Variants in NPR3 observed in about 807,000 individuals in gnomAD.
NPR3 encodes the protein natriuretic peptide receptor 3, also known as atrial natriuretic peptide receptor 3.
Under a neutral mutation model 54.5 loss-of-function variants are expected in NPR3, and 34 were observed. That is an observed-to-expected ratio of 0.62 (90% CI 0.47 to 0.83). NPR3 has a LOEUF of 0.83. Among genes scored for constraint, NPR3 ranks in the 40% least tolerant of loss-of-function variants. The probability of loss-of-function intolerance (pLI) is 0.00; values close to 1 mark genes in which losing one functional copy is unlikely to be tolerated. For missense variants in NPR3, 674 were observed against 720.8 expected (o/e 0.94, Z 0.74); for synonymous variants, 289 against 297.1 (o/e 0.97, Z 0.28).
chr5:32,735,513 A>G (rs1739686529), intron 2 of NPR3, among the ~76,000 whole-genome samples: 3 of 150,944 alleles, frequency 2.0e-5, no homozygotes, highest in South Asian at 4.2e-4. Flanking sequence ...AAACTTGCTC[A>G]TAATTGTAAC....
intron 3 of NPR3, among the ~76,000 whole-genome samples, chr5:32,764,765 G>T (rs910436749): frequency 6.0e-5 from 8 of 133,126 alleles, no homozygotes; most frequent in African/African-American, 1.8e-4. Context: ...TCCAGCCTGG[G>T]TGACAAGAGT....
chr5:32,762,368 C>T (rs1014606455), intron 3 of NPR3, among the ~76,000 whole-genome samples: 1 of 151,532 alleles, frequency 6.6e-6, no homozygotes, highest in Non-Finnish European at 1.5e-5. Context: ...GGAATCACCA[C>T]ACTGTCTTCC....
chr5:32,702,383 A>G (rs1737846465), intron 1 of NPR3, among the ~76,000 whole-genome samples: 1 of 147,562 alleles, frequency 6.8e-6, no homozygotes, highest in Non-Finnish European at 1.5e-5. Context: ...AGCAGTAGGT[A>G]TATCTCCTAA....
At chr5:32,762,587 C>T (rs1246701386) in intron 3 of NPR3, among the ~76,000 whole-genome samples, 1 of 151,896 alleles carries the variant, frequency 6.6e-6, no homozygotes, top group African/African-American at 2.4e-5. Flanking sequence ...ACATAAATGT[C>T]TTCTTTTGAA....
At chr5:32,768,656 G>T (rs932765777) in intron 3 of NPR3, among the ~76,000 whole-genome samples, 2 of 152,180 alleles carry the variant, frequency 1.3e-5, no homozygotes, top group African/African-American at 2.4e-5. Flanking sequence ...ATCTTCCTAA[G>T]ACTGCTTTTG....
intron 1 of NPR3, among the ~76,000 whole-genome samples, chr5:32,693,300 CTT>C (rs1345248093): frequency 2.0e-5 from 3 of 152,022 alleles, no homozygotes; most frequent in Non-Finnish European, 2.9e-5. Flanking sequence ...CGTTCTTTCT[CTT>C]GTGAATTCTG....
rs1358287164 is a variant in NPR3, at chr5:32,728,833, GTGTGTATATATATATATATATATATATA to G, written c.892+4015_892+4042del. On this transcript the variant is annotated intron_variant, in intron 2 of 7. Transcript: ENST00000265074. The stretch of plus-strand genomic sequence containing the variant: ...GGAATATTTGTGTGTGTGTGTGTGT[GTGTGTATATATATATATATATATATATA>G]TATATATATATATATGTAAAATGAG... 4.7e-3 allele frequency among the ~76,000 whole-genome samples: 303 copies of G among 64,078 alleles called. 3 individuals are homozygous for G. Among genetic ancestry groups the G allele is most frequent in the African/African-American group, 0.019 (289 of 15,246 alleles). The allele number at this position is 64,078 out of a possible 152,430, so 42.0% of individuals were successfully genotyped here. A position where few individuals can be genotyped will look rare whatever the true frequency, so the allele number is the denominator to read the frequency against.
chr5:32,778,716 G>A (rs148189848), intron 4 of NPR3, among the ~76,000 whole-genome samples: 1 of 152,314 alleles, frequency 6.6e-6, no homozygotes, highest in African/African-American at 2.4e-5. Context: ...ATACTCTCAG[G>A]TGAAGTCTCA....
At chr5:32,704,370 T>TG (rs1737930294) in intron 1 of NPR3, among the ~76,000 whole-genome samples, 1 of 146,786 alleles carries the variant, frequency 6.8e-6, no homozygotes, top group Non-Finnish European at 1.5e-5. Flanking sequence ...TTTTGGCTCT[T>TG]TGTGTGTGTG....
chr5:32,732,140 C>T (rs1485975145), intron 2 of NPR3, among the ~76,000 whole-genome samples: 4 of 146,858 alleles, frequency 2.7e-5, no homozygotes, highest in Non-Finnish European at 6.0e-5. Context: ...ACTCGGGAGG[C>T]TGAGGCAGGA....
At chr5:32,710,808 T>G (rs1738170063), upstream of NPR3, 1 of 1,502,218 alleles carries the variant, frequency 6.7e-7, no homozygotes, top group Non-Finnish European at 8.9e-7. Context: ...CACCTAAGGA[T>G]TTTTGCACCG....
intron 4 of NPR3, among the ~76,000 whole-genome samples, chr5:32,775,765 T>C (rs1358817291): frequency 6.6e-6 from 1 of 152,138 alleles, no homozygotes; most frequent in Non-Finnish European, 1.5e-5. Flanking sequence ...GCCTGGCTAA[T>C]TTTTGTGTTT....
At chr5:32,756,303 T>C (rs1740836344) in intron 3 of NPR3, among the ~76,000 whole-genome samples, 2 of 152,180 alleles carry the variant, frequency 1.3e-5, no homozygotes, top group African/African-American at 4.8e-5. Flanking sequence ...TTCTAACTGG[T>C]GTGAGATGGT....
At chr5:32,710,582 C>T, upstream of NPR3, 1 of 1,384,854 alleles carries the variant, frequency 7.2e-7, no homozygotes, top group Non-Finnish European at 9.4e-7. Context: ...CCTGCGTGGC[C>T]CAGGGGGAGG....
chr5:32,742,650 A>G (rs1362651318), intron 3 of NPR3, among the ~76,000 whole-genome samples: 1 of 152,168 alleles, frequency 6.6e-6, no homozygotes, highest in Non-Finnish European at 1.5e-5. Context: ...CTTTAATGTA[A>G]AGAGCATATA....
chr5:32,763,631 GAA>G (rs1448697401), intron 3 of NPR3, among the ~76,000 whole-genome samples: 1 of 151,884 alleles, frequency 6.6e-6, no homozygotes, highest in Middle Eastern at 3.2e-3. Context: ...CCATCTTTTT[GAA>G]AAGTCTCTAA....
chr5:32,762,286 T>G (rs1465671958), intron 3 of NPR3, among the ~76,000 whole-genome samples: 1 of 151,918 alleles, frequency 6.6e-6, no homozygotes, highest in Non-Finnish European at 1.5e-5. Flanking sequence ...CAGAATAATT[T>G]ATAATCCTCT....
In NPR3 at chr5:32,722,092, C is replaced by A. The variant is rs189093253; in HGVS notation, c.770-2606C>A. ...ACACATGAAATCTGGGGGACACAAC[C>A]AAACCATAGCAGGAAGAGAGAGAAG... On this transcript the variant is annotated intron_variant, in intron 1 of 7. Coordinates refer to ENST00000265074, the MANE Select transcript of NPR3 (RefSeq NM_001204375.2). Among the ~76,000 whole-genome samples the A allele has an allele frequency of 3.1e-4, 47 of 152,096 alleles. 1 individual carries two copies. The highest frequency in any genetic ancestry group is 9.6e-4 in the African/African-American group (40 of 41,504).
chr5:32,738,430 T>C (rs980812345), intron 2 of NPR3, among the ~76,000 whole-genome samples: 2 of 152,190 alleles, frequency 1.3e-5, no homozygotes, highest in Non-Finnish European at 2.9e-5. Context: ...CACTGTGACC[T>C]GCCGTCCCAC....
Sources: gnomAD v4.1 joint callset for allele counts (sites outside exome capture counted in the v4.1 genomes callset) on GRCh38, gnomAD v4.1.1 for gene constraint, MANE v1.5 for transcripts, NCBI Gene and HGNC (gene_info 2026-07-23, HGNC 2026-07-21) for gene names.